Variants in PPP2R2B observed in about 807,000 individuals in gnomAD.
PPP2R2B encodes serine/threonine-protein phosphatase 2A 55 kDa regulatory subunit B beta isoform.
In PPP2R2B, 5 loss-of-function variants were observed where a neutral mutation model predicts 46.0. The observed-to-expected ratio is 0.11, with a 90% CI of 0.06 to 0.23. The LOEUF (loss-of-function observed/expected upper bound fraction) is 0.23. Among genes scored for constraint, PPP2R2B ranks in the 10% least tolerant of loss-of-function variants. The probability of loss-of-function intolerance (pLI) is 1.00; values close to 1 mark genes in which losing one functional copy is unlikely to be tolerated. For synonymous variants in PPP2R2B, 215 were observed against 206.7 expected (o/e 1.04, Z -0.34); for missense variants, 367 against 575.0 (o/e 0.64, Z 3.70).
intron 2 of PPP2R2B, among the ~76,000 whole-genome samples, chr5:146,848,220 C>T (rs1760124993): frequency 6.6e-6 from 1 of 152,080 alleles, no homozygotes; most frequent in Admixed American, 6.5e-5. Context: ...GTACAGAGAG[C>T]TCTTCTATAC....
At chr5:146,671,479 C>T (rs1161538716) in intron 5 of PPP2R2B, among the ~76,000 whole-genome samples, 1 of 152,160 alleles carries the variant, frequency 6.6e-6, no homozygotes, top group Non-Finnish European at 1.5e-5. Context: ...AGCTTTCAAA[C>T]CTGGTAAAGG....
At chr5:146,966,260 G>T (rs566253315) in intron 1 of PPP2R2B, among the ~76,000 whole-genome samples, 7 of 152,274 alleles carry the variant, frequency 4.6e-5, no homozygotes, top group African/African-American at 1.7e-4. Context: ...TTGGTCACAT[G>T]CAGGTAAGGA....
chr5:146,927,725 C>A lies in PPP2R2B; in HGVS notation c.79+127940G>T, dbSNP rs1452328635. 2.0e-5 allele frequency among the ~76,000 whole-genome samples: 3 copies of A among 151,866 alleles called. No homozygotes were observed. In the South Asian group the frequency reaches 6.2e-4, roughly 32 times the overall value. On this transcript the variant is annotated intron_variant, in intron 1 of 8. Coordinates refer to the PPP2R2B transcript ENST00000336640. ...TGGATCAGAAGATGAGACCTTGTAG[C>A]CATACTTTCTTCTTTTTTTTTTTTT... is the stretch of plus-strand genomic sequence containing the variant.
At chr5:146,912,238 CAA>C (rs35127306) in intron 1 of PPP2R2B, among the ~76,000 whole-genome samples, 5 of 56,596 alleles carry the variant, frequency 8.8e-5, no homozygotes, top group Admixed American at 6.9e-4. Context: ...GGCTCCGTCT[CAA>C]AAAAAAAAAA....
intron 2 of PPP2R2B, among the ~76,000 whole-genome samples, chr5:146,724,523 C>T (rs1411946509): frequency 6.6e-6 from 1 of 151,996 alleles, no homozygotes; most frequent in Admixed American, 6.6e-5. Context: ...CTATTATAAT[C>T]CAAATATATA....
intron 1 of PPP2R2B, among the ~76,000 whole-genome samples, chr5:146,915,804 C>T (rs1763366134): frequency 6.6e-6 from 1 of 152,156 alleles, no homozygotes; most frequent in South Asian, 2.1e-4. Flanking sequence ...TGCTTGCCTC[C>T]TCCTTGCTAA....
intron 2 of PPP2R2B, among the ~76,000 whole-genome samples, chr5:146,816,544 AT>A (rs1228251940): frequency 6.6e-6 from 1 of 152,264 alleles, no homozygotes; most frequent in Non-Finnish European, 1.5e-5. Flanking sequence ...ATATCAGAAT[AT>A]TAAATGAAAT....
upstream of PPP2R2B, among the ~76,000 whole-genome samples, chr5:146,882,911 T>C (rs1447447464): frequency 3.3e-5 from 5 of 152,238 alleles, no homozygotes; most frequent in Admixed American, 6.5e-5. Context: ...CAGTTCAGTA[T>C]TGACAGCATG....
intron 2 of PPP2R2B, among the ~76,000 whole-genome samples, chr5:146,719,913 A>G (rs59572002): frequency 0.25 from 37,468 of 151,974 alleles, 5,184 homozygotes; most frequent in East Asian, 0.38. Context: ...GCCATTCCTG[A>G]CTTGAGTGGG....
At chr5:146,742,133 G>C (rs780709071) in intron 2 of PPP2R2B, among the ~76,000 whole-genome samples, 1 of 152,260 alleles carries the variant, frequency 6.6e-6, no homozygotes, top group African/African-American at 2.4e-5. Context: ...AGAATTACTG[G>C]CTAACCATCT....
At chr5:146,851,232 A>T (rs1760329609) in intron 2 of PPP2R2B, among the ~76,000 whole-genome samples, 1 of 152,098 alleles carries the variant, frequency 6.6e-6, no homozygotes, top group Admixed American at 6.6e-5. Flanking sequence ...CTCAAATGCT[A>T]CTATTGGGCT....
chr5:146,593,455 G>A (rs1180860998), intron 8 of PPP2R2B, among the ~76,000 whole-genome samples: 1 of 152,262 alleles, frequency 6.6e-6, no homozygotes, highest in Non-Finnish European at 1.5e-5. Context: ...TATCCTTGCA[G>A]TGCTTTTGAC....
At chr5:147,035,225 G>T in intron 1 of PPP2R2B, 1 of 429,092 alleles carries the variant, frequency 2.3e-6, no homozygotes, top group South Asian at 1.7e-5. Context: ...GAAGGCGAAG[G>T]GGAAGCAAGG....
At chr5:146,845,501 C>G (rs1759945431) in intron 2 of PPP2R2B, among the ~76,000 whole-genome samples, 1 of 152,040 alleles carries the variant, frequency 6.6e-6, no homozygotes, top group African/African-American at 2.4e-5. Context: ...GATCCGCCCG[C>G]CTCGGCCTCC....
At chr5:146,887,950 T>A (rs181219054) in intron 1 of PPP2R2B, among the ~76,000 whole-genome samples, 26 of 152,326 alleles carry the variant, frequency 1.7e-4, no homozygotes, top group Non-Finnish European at 3.5e-4. Context: ...AGGTATTCCA[T>A]TGTCTTTAAC....
chr5:146,908,008 A>G (rs1027040242), intron 1 of PPP2R2B, among the ~76,000 whole-genome samples: 30 of 152,328 alleles, frequency 2.0e-4, no homozygotes, highest in African/African-American at 7.2e-4. Context: ...GAACAGCAGC[A>G]GCAATGATTT....
chr5:146,855,529 T>A (rs1039566229), intron 2 of PPP2R2B, among the ~76,000 whole-genome samples: 1 of 152,130 alleles, frequency 6.6e-6, no homozygotes, highest in South Asian at 2.1e-4. Context: ...TTTTCTTCCC[T>A]TTTTGAACTG....
At chr5:146,808,649 G>GCCAGCCTTT (rs1757337851) in intron 2 of PPP2R2B, among the ~76,000 whole-genome samples, 1 of 152,248 alleles carries the variant, frequency 6.6e-6, no homozygotes, top group South Asian at 2.1e-4. Context: ...TGCCAGCCTT[G>GCCAGCCTTT]CCAGCCTTGG....
intron 1 of PPP2R2B, among the ~76,000 whole-genome samples, chr5:147,027,451 G>A (rs1452539917): frequency 6.6e-6 from 1 of 152,032 alleles, no homozygotes; most frequent in Non-Finnish European, 1.5e-5. Context: ...TGGCCAACAT[G>A]GTGACACCTC....
Sources: gnomAD v4.1 joint callset for allele counts (sites outside exome capture counted in the v4.1 genomes callset) on GRCh38, gnomAD v4.1.1 for gene constraint, MANE v1.5 for transcripts, NCBI Gene and HGNC (gene_info 2026-07-23, HGNC 2026-07-21) for gene names.